PALM2AKAP2: variants seen among roughly 807,000 people sequenced by gnomAD.
The protein encoded by PALM2AKAP2 is PALM2 and AKAP2 fusion, also known as PALM2-AKAP2 fusion protein.
A neutral mutation model predicts 71.5 loss-of-function variants in PALM2AKAP2; 37 were observed. That is an observed-to-expected ratio of 0.52 (90% CI 0.40 to 0.68). The LOEUF (loss-of-function observed/expected upper bound fraction) is 0.68. Ranked by LOEUF, PALM2AKAP2 falls within the 30% of genes least tolerant of loss-of-function variation. The pLI is 0.00. For missense variants in PALM2AKAP2, 1,224 were observed against 1,191.8 expected (o/e 1.03, Z -0.40); for synonymous variants, 468 against 478.8 (o/e 0.98, Z 0.29).
intron 1 of PALM2AKAP2, among the ~76,000 whole-genome samples, chr9:110,088,199 ATACCC>A (rs934983137): frequency 6.6e-6 from 1 of 152,076 alleles, no homozygotes; most frequent in Non-Finnish European, 1.5e-5. Context: ...TGGGGTTTAA[ATACCC>A]TTTAGAGATT....
chr9:110,076,350 T>G (rs1346019264), intron 1 of PALM2AKAP2, among the ~76,000 whole-genome samples: 2 of 151,828 alleles, frequency 1.3e-5, no homozygotes, highest in Admixed American at 1.3e-4. Flanking sequence ...TAAATAAGGC[T>G]GCAGTGAACA....
intron 1 of PALM2AKAP2, among the ~76,000 whole-genome samples, chr9:109,815,658 G>A (rs1827833504): frequency 2.0e-5 from 3 of 152,196 alleles, no homozygotes. Context: ...ATACCAACTA[G>A]AAGGTAACTG....
intron 1 of PALM2AKAP2, among the ~76,000 whole-genome samples, chr9:109,794,913 G>C (rs1827209704): frequency 6.6e-6 from 1 of 152,192 alleles, no homozygotes; most frequent in African/African-American, 2.4e-5. Flanking sequence ...AAGTGGACAG[G>C]GTTGTGGACA....
intron 6 of PALM2AKAP2, among the ~76,000 whole-genome samples, chr9:109,953,754 G>C (rs1054621972): frequency 3.4e-5 from 5 of 147,996 alleles, no homozygotes; most frequent in African/African-American, 1.3e-4. Context: ...AGAATTGCTT[G>C]AACCTGGGAG....
At chr9:109,909,791 G>A (rs1224313795) in intron 3 of PALM2AKAP2, among the ~76,000 whole-genome samples, 1 of 152,188 alleles carries the variant, frequency 6.6e-6, no homozygotes, top group Non-Finnish European at 1.5e-5. Flanking sequence ...GGGGAAGAGA[G>A]AGAACAAGGG....
At chr9:109,756,172 G>T (rs7849000) in intron 1 of PALM2AKAP2, among the ~76,000 whole-genome samples, 1 of 151,612 alleles carries the variant, frequency 6.6e-6, no homozygotes, top group Non-Finnish European at 1.5e-5. Flanking sequence ...CCAACAGTAT[G>T]TAAGTCTGTT....
At chr9:110,116,352 G>T (rs760088640) in intron 1 of PALM2AKAP2, among the ~76,000 whole-genome samples, 2 of 152,090 alleles carry the variant, frequency 1.3e-5, no homozygotes, top group Admixed American at 6.5e-5. Context: ...AATTTAATGA[G>T]CCCGTGTGTG....
chr9:109,958,384 C>T (rs1446160117), intron 6 of PALM2AKAP2, among the ~76,000 whole-genome samples: 1 of 152,150 alleles, frequency 6.6e-6, no homozygotes, highest in East Asian at 1.9e-4. Context: ...AAGCAGCATT[C>T]TTGAGTGTAA....
chr9:109,795,560 A>G (rs1210430245), intron 1 of PALM2AKAP2, among the ~76,000 whole-genome samples: 1 of 152,240 alleles, frequency 6.6e-6, no homozygotes, highest in Non-Finnish European at 1.5e-5. Flanking sequence ...TCTAACTGAT[A>G]GAAAGTGTCC....
intron 1 of PALM2AKAP2, among the ~76,000 whole-genome samples, chr9:109,746,115 C>G (rs1158569350): frequency 1.3e-5 from 2 of 152,160 alleles, no homozygotes; most frequent in Non-Finnish European, 1.5e-5. Flanking sequence ...CTTGCTCGGG[C>G]CTTGCCTTAT....
chr9:110,098,314 T>A (rs1159258091), intron 1 of PALM2AKAP2, among the ~76,000 whole-genome samples: 1 of 152,158 alleles, frequency 6.6e-6, no homozygotes, highest in Admixed American at 6.5e-5. Context: ...AGATGTGAGA[T>A]TACATGAATT....
chr9:110,167,766 A>G (rs1480974637), intron 3 of PALM2AKAP2, among the ~76,000 whole-genome samples: 3 of 152,004 alleles, frequency 2.0e-5, no homozygotes, highest in Non-Finnish European at 4.4e-5. Context: ...CATGGCTTAT[A>G]TAGGTTTGCA....
chr9:109,700,683 T>G lies in PALM2AKAP2; in HGVS notation c.5+59817T>G, dbSNP rs370272579. ...GAAAGCTTGGGCTCTTTCTAAAAACTTACTCTAAAAAGCTCTTGGCATCCT... is the reference window on the plus strand; with the variant it reads ...GAAAGCTTGGGCTCTTTCTAAAAACGTACTCTAAAAAGCTCTTGGCATCCT... On this transcript the variant is annotated intron_variant, in intron 1 of 6. Transcript: ENST00000374531. Among the ~76,000 whole-genome samples, 94 of 152,336 alleles carry G rather than the reference T, an allele frequency of 6.2e-4. 1 individual carries two copies. The South Asian group carries it at 0.019, about 31-fold the overall frequency.
At chr9:109,809,201 A>G (rs1005032480) in intron 1 of PALM2AKAP2, among the ~76,000 whole-genome samples, 6 of 152,172 alleles carry the variant, frequency 3.9e-5, no homozygotes, top group Non-Finnish European at 7.4e-5. Flanking sequence ...TGGTAGATCT[A>G]CTGACAGCTT....
chr9:109,885,881 T>C (rs577054926), intron 3 of PALM2AKAP2, among the ~76,000 whole-genome samples: 1 of 152,342 alleles, frequency 6.6e-6, no homozygotes, highest in Admixed American at 6.5e-5. Context: ...AATTCTACCA[T>C]TCTTCCAAGA....
exon 2 of PALM2AKAP2, chr9:110,136,972 G>A (rs775592313): frequency 6.2e-6 from 10 of 1,613,942 alleles, no homozygotes; most frequent in Admixed American, 1.7e-5. Context: ...GGAATCCCCC[G>A]CAGGAAAAAA....
intron 6 of PALM2AKAP2, among the ~76,000 whole-genome samples, chr9:109,996,025 A>T (rs1202140991): frequency 6.6e-6 from 1 of 152,196 alleles, no homozygotes; most frequent in Non-Finnish European, 1.5e-5. Context: ...AAGGAATGTC[A>T]CAGACCACCA....
chr9:109,925,222 C>G, intron 5 of PALM2AKAP2, 140 bp downstream of exon 5: 1 of 1,312,266 alleles, frequency 7.6e-7, no homozygotes. Flanking sequence ...GGTTGCAGGC[C>G]ACTGAGGAGG....
chr9:110,121,712 G>A (rs1264196395), intron 1 of PALM2AKAP2, among the ~76,000 whole-genome samples: 4 of 152,124 alleles, frequency 2.6e-5, no homozygotes, highest in South Asian at 2.1e-4. Context: ...AAATCCTTCC[G>A]TTAAAGAGAT....
Sources: gnomAD v4.1 joint callset for allele counts (sites outside exome capture counted in the v4.1 genomes callset) on GRCh38, gnomAD v4.1.1 for gene constraint, MANE v1.5 for transcripts, NCBI Gene and HGNC (gene_info 2026-07-23, HGNC 2026-07-21) for gene names.